SCYL3: variants seen among roughly 807,000 people sequenced by gnomAD.
SCYL3 encodes protein-associating with the carboxyl-terminal domain of ezrin.
A neutral mutation model predicts 73.8 loss-of-function variants in SCYL3; 35 were observed. The observed-to-expected ratio is 0.47, with a 90% CI of 0.36 to 0.63. The LOEUF (loss-of-function observed/expected upper bound fraction) is 0.63. Among genes scored for constraint, SCYL3 ranks in the 20% least tolerant of loss-of-function variants. SCYL3 has a pLI of 0.00. For missense variants in SCYL3, 712 were observed against 798.9 expected (o/e 0.89, Z 1.31); for synonymous variants, 277 against 295.2 (o/e 0.94, Z 0.63).
At chr1:169,879,807 G>A (rs1375049983) in intron 2 of SCYL3, among the ~76,000 whole-genome samples, 1 of 151,558 alleles carries the variant, frequency 6.6e-6, no homozygotes, top group Non-Finnish European at 1.5e-5. Context: ...TAGAGATAAA[G>A]GAAAAGTTAT....
At chr1:169,882,581 G>T (rs143013434) in intron 2 of SCYL3, among the ~76,000 whole-genome samples, 9,991 of 152,324 alleles carry the variant, frequency 0.066, 427 homozygotes, top group Non-Finnish European at 0.1. Flanking sequence ...TCCTGAGTCT[G>T]GTGGGGACGT....
At chr1:169,863,265 G>A (rs965204032) in intron 9 of SCYL3, among the ~76,000 whole-genome samples, 4 of 152,126 alleles carry the variant, frequency 2.6e-5, no homozygotes, top group Admixed American at 2.6e-4. Context: ...TTTCTTGACC[G>A]AAAATTACTT....
At position 169,851,992 on chromosome 1, in the gene SCYL3, T is replaced by TAAA; in HGVS notation, c.*1720_*1721insTTT. ...TTAACAAGGCAAATTCTGCCCTTTT[T>TAAA]ACTTACTGACGAAACAAACCAGTGT... On this transcript the variant is annotated 3_prime_UTR_variant, in exon 13 of 13. Coordinates refer to ENST00000367771, the MANE Select transcript of SCYL3 (RefSeq NM_020423.7). The TAAA allele has an allele frequency of 6.2e-7, 1 of 1,612,552 alleles. No individual in the cohort carries two copies. The highest frequency in any genetic ancestry group is 1.1e-5 in the South Asian group (1 of 90,910).
At chr1:169,864,837 G>A (rs1485153225) in intron 8 of SCYL3, among the ~76,000 whole-genome samples, 2 of 152,128 alleles carry the variant, frequency 1.3e-5, no homozygotes, top group Non-Finnish European at 2.9e-5. Context: ...GCAGACGCCT[G>A]TAATCCCAGC....
Position 169,854,403 on chromosome 1 carries a change from A to G in SCYL3, c.1874T>C (p.Met625Thr), listed in dbSNP as rs756137846. Residue 625 changes from methionine (M) to threonine (T), a missense_variant, in exon 12 of 13, where the codon ATG (methionine) becomes ACG (threonine). By Grantham distance (81) the Met-to-Thr change is moderately conservative. Transcript: ENST00000367771. ...AGCAGAAGGCTTAATTTCTGGGATC[A>G]TATCAGCAAACCAATCCATCTCAGG... ...KDPEMDWFAD[M>T]IPEIKPSAAF... is the part of the protein sequence containing the mutation. The G allele has an allele frequency of 3.1e-6, 5 of 1,614,130 alleles. No individual in the cohort carries two copies. Among genetic ancestry groups the G allele is most frequent in the African/African-American group, 2.7e-5 (2 of 75,052 alleles).
chr1:169,891,387 C>A (rs3753312), intron 1 of SCYL3, among the ~76,000 whole-genome samples: 19,700 of 152,152 alleles, frequency 0.13, 1,481 homozygotes, highest in Middle Eastern at 0.2. Flanking sequence ...CCATTGACAC[C>A]CTTACAACCA....
At position 169,851,994 on chromosome 1, in the gene SCYL3, CT is replaced by C; in HGVS notation, c.*1718del. 6.2e-7 allele frequency: 1 copy of C among 1,611,548 alleles called. No individual in the cohort carries two copies. The highest frequency in any genetic ancestry group is 8.5e-7 in the Non-Finnish European group (1 of 1,178,522). On this transcript the variant is annotated 3_prime_UTR_variant, in exon 13 of 13. Transcript: ENST00000367771. ...AACAAGGCAAATTCTGCCCTTTTTA[CT>C]TACTGACGAAACAAACCAGTGTGGT...
intron 3 of SCYL3, among the ~76,000 whole-genome samples, chr1:169,876,310 A>T (rs1323617160): frequency 6.6e-6 from 1 of 152,224 alleles, no homozygotes; most frequent in African/African-American, 2.4e-5. Context: ...AAAAAGAAAA[A>T]TGGAATGGAA....
At chr1:169,884,252 G>T (rs964324137) in intron 2 of SCYL3, among the ~76,000 whole-genome samples, 2 of 152,156 alleles carry the variant, frequency 1.3e-5, no homozygotes, top group African/African-American at 4.8e-5. Context: ...TTGGTTAAAT[G>T]AGTGCAGTTA....
intron 1 of SCYL3, among the ~76,000 whole-genome samples, chr1:169,892,684 C>T (rs1026782990): frequency 2.0e-5 from 3 of 152,166 alleles, no homozygotes; most frequent in Non-Finnish European, 4.4e-5. Context: ...CATCAGTCTT[C>T]CCTTTAATAA....
At chr1:169,854,005 G>C (rs918877732) in intron 12 of SCYL3, 6 of 598,254 alleles carry the variant, frequency 1.0e-5, no homozygotes, top group African/African-American at 1.9e-5. Context: ...AATCAGTGTG[G>C]ATGACACCAA....
At position 169,868,965 on chromosome 1, in the gene SCYL3, G is replaced by T. The variant is rs1245767398; in HGVS notation, c.700C>A (p.Pro234Thr). The T allele has an allele frequency of 6.2e-7, 1 of 1,613,960 alleles. No individual in the cohort carries two copies. Among genetic ancestry groups the T allele is most frequent in the East Asian group, 2.2e-5 (1 of 44,900 alleles). Residue 234 changes from proline (P) to threonine (T), a missense_variant, in exon 7 of 13, where the codon CCA (proline) becomes ACA (threonine). By Grantham distance (38) the Pro-to-Thr change is conservative (BLOSUM62 -1). Coordinates refer to ENST00000367771, the MANE Select transcript of SCYL3 (RefSeq NM_020423.7). ...TLLNPIPKCR[P>T]ALCTLLSHDF... Reference sequence around the variant, plus strand: ...TGAGATAGTAAGGTGCAGAGCGCTGGCCGACATTTTGGAATGGGATTCAGC... The same window carrying T: ...TGAGATAGTAAGGTGCAGAGCGCTGTCCGACATTTTGGAATGGGATTCAGC...
In SCYL3 at chr1:169,851,743, A is replaced by G. The variant is rs1658372017; in HGVS notation, c.*1970T>C. On this transcript the variant is annotated 3_prime_UTR_variant, in exon 13 of 13. Coordinates refer to ENST00000367771, the MANE Select transcript of SCYL3 (RefSeq NM_020423.7). ...GTATGGTTGAACACTCAGCACTTAA[A>G]TTATGTGGCCATTTCATATCTAGTA... 3 of 1,550,890 alleles carry G rather than the reference A, an allele frequency of 1.9e-6. No homozygotes were observed. Among genetic ancestry groups the G allele is most frequent in the Non-Finnish European group, 2.6e-6 (3 of 1,148,166 alleles).
At chr1:169,867,901 A>G (rs944674719) in intron 7 of SCYL3, among the ~76,000 whole-genome samples, 15 of 152,210 alleles carry the variant, frequency 9.9e-5, no homozygotes, top group African/African-American at 3.6e-4. Context: ...TCTATTTACC[A>G]TAAGGGATTG....
Position 169,888,836 on chromosome 1 carries a change from C to A in SCYL3, c.5G>T (p.Gly2Val). M[G>V]SENSALKSYT... Reference sequence around the variant, plus strand: ...GCTCTTTAAAGCACTGTTCTCTGATCCCATCCCTTATGCAGTGAGGCAGTA... The same window carrying A: ...GCTCTTTAAAGCACTGTTCTCTGATACCATCCCTTATGCAGTGAGGCAGTA... Residue 2 changes from glycine (G) to valine (V), a missense_variant, in exon 2 of 13, where the codon GGA (glycine) becomes GTA (valine). Physicochemically the swap from Gly to Val is moderately radical, Grantham distance 109. This residue lies in a region of SCYL3 where 342 missense variants were observed against 448.1 expected (regional missense o/e 0.76). Transcript: ENST00000367771. 1 of 1,609,794 alleles carries A rather than the reference C, an allele frequency of 6.2e-7. No homozygotes were observed. Among genetic ancestry groups the A allele is most frequent in the Non-Finnish European group, 8.5e-7 (1 of 1,177,934 alleles).
chr1:169,879,684 C>CA (rs1441881055), intron 2 of SCYL3, among the ~76,000 whole-genome samples: 2 of 152,130 alleles, frequency 1.3e-5, no homozygotes, highest in African/African-American at 2.4e-5. Flanking sequence ...CAAAGAACCA[C>CA]AAAAATGTAA....
chr1:169,882,838 C>G (rs897289368), intron 2 of SCYL3, among the ~76,000 whole-genome samples: 4 of 152,112 alleles, frequency 2.6e-5, no homozygotes, highest in African/African-American at 7.2e-5. Flanking sequence ...ATTGTAAACG[C>G]ACAAATCAGC....
intron 6 of SCYL3, among the ~76,000 whole-genome samples, chr1:169,869,510 T>C (rs1158271329): frequency 1.3e-5 from 2 of 152,232 alleles, no homozygotes; most frequent in African/African-American, 4.8e-5. Flanking sequence ...CTCAAGTATT[T>C]AGGATGGGAC....
At chr1:169,858,484 T>G (rs148578086) in intron 11 of SCYL3, among the ~76,000 whole-genome samples, 2 of 152,286 alleles carry the variant, frequency 1.3e-5, no homozygotes, top group African/African-American at 4.8e-5. Flanking sequence ...CAGTTAAAGT[T>G]TTTTCTTTTT....
Sources: gnomAD v4.1 joint callset for allele counts (sites outside exome capture counted in the v4.1 genomes callset) on GRCh38, gnomAD v4.1.1 for gene constraint, gnomAD v4.1.1 regional missense constraint, MANE v1.5 for transcripts, NCBI Gene and HGNC (gene_info 2026-07-23, HGNC 2026-07-21) for gene names.